DDB2: variants seen among roughly 807,000 people sequenced by gnomAD.
The protein encoded by DDB2 is damage specific DNA binding protein 2, also known as DNA damage-binding protein 2.
In DDB2, 27 loss-of-function variants were observed where a neutral mutation model predicts 50.5. The ratio of observed to expected loss-of-function variants is 0.53; its 90% CI spans 0.39 to 0.74. The LOEUF (loss-of-function observed/expected upper bound fraction) is 0.74, where lower values mean the gene tolerates loss of function less well. DDB2 is among the 30% of genes least tolerant of loss of function. The pLI is 0.00. For synonymous variants in DDB2, 176 were observed against 205.5 expected, an observed-to-expected ratio of 0.86 and a Z score of 1.23; for missense variants, 424 against 545.6, an observed-to-expected ratio of 0.78 and a Z score of 2.22.
intron 3 of DDB2, chr11:47,217,516 G>A (rs1953418230): frequency 1.3e-5 from 2 of 153,304 alleles, no homozygotes; most frequent in South Asian, 4.0e-4. Flanking sequence ...TTTCAAATAC[G>A]TAAATGATGA....
chr11:47,230,481 G>A (rs192627432), intron 3 of DDB2, among the ~76,000 whole-genome samples: 4 of 152,198 alleles, frequency 2.6e-5, no homozygotes, highest in East Asian at 1.9e-4. Flanking sequence ...ATTAAATTTG[G>A]TGTTAATTGC....
intron 3 of DDB2, among the ~76,000 whole-genome samples, chr11:47,228,533 C>T (rs1444297250): frequency 6.7e-6 from 1 of 149,618 alleles, no homozygotes; most frequent in African/African-American, 2.5e-5. Flanking sequence ...ATCCCAGCTA[C>T]TCGGGAGGCT....
At chr11:47,235,193 TGCAGGAGAAGG>T in intron 6 of DDB2, 66 bp from the exon 7 acceptor site, 6 of 1,592,818 alleles carry the variant, frequency 3.8e-6, no homozygotes, top group Non-Finnish European at 5.2e-6. Flanking sequence ...AGAGTACCCC[TGCAGGAGAAGG>T]CCTGCAAGGC....
At chr11:47,226,734 C>CTTTT (rs542832519) in intron 3 of DDB2, among the ~76,000 whole-genome samples, 2 of 124,610 alleles carry the variant, frequency 1.6e-5, no homozygotes, top group Admixed American at 8.3e-5. Context: ...AGTCCTTTGC[C>CTTTT]TTTTTTTTTT....
chr11:47,233,093 C>T, intron 4 of DDB2, 134 bp downstream of exon 4: 1 of 1,066,056 alleles, frequency 9.4e-7, no homozygotes, highest in African/African-American at 1.6e-5. Context: ...TTCCGCCCTT[C>T]TTTCTCTTTC....
intron 3 of DDB2, among the ~76,000 whole-genome samples, chr11:47,222,159 C>G (rs1455916897): frequency 6.6e-6 from 1 of 152,150 alleles, no homozygotes; most frequent in East Asian, 1.9e-4. Flanking sequence ...ATCCACCCCT[C>G]TCTACCCAAT....
rs11376360 is a variant in DDB2, at chr11:47,229,818, C to CTTTT, written c.457-2982_457-2979dup. The CTTTT allele has an allele frequency of 5.5e-3, 1,814 of 328,566 alleles. 2 individuals carry two copies. The highest frequency in any genetic ancestry group is 6.6e-3 in the Non-Finnish European group (1,164 of 175,634). The allele number at this position is 328,566 out of a possible 1,614,324, so 20.4% of individuals were successfully genotyped here. ...CCCTATGCTTAATTTGATGGCTCTT[C>CTTTT]TTTTTTTTTTTTTTTTTCTTCTTCC... On this transcript the variant is annotated intron_variant, in intron 3 of 9. Coordinates refer to ENST00000256996, the MANE Select transcript of DDB2 (RefSeq NM_000107.3).
chr11:47,215,786 T>A (rs1244225778), intron 1 of DDB2: 2 of 262,348 alleles, frequency 7.6e-6, no homozygotes, highest in East Asian at 2.0e-4. Context: ...TGTCAAGACG[T>A]CGGACCTATA....
intron 3 of DDB2, among the ~76,000 whole-genome samples, chr11:47,226,675 G>C (rs1953561734): frequency 6.6e-6 from 1 of 151,158 alleles, no homozygotes; most frequent in African/African-American, 2.4e-5. Context: ...GCATCTTTAC[G>C]TGTGCTTCTT....
Position 47,215,167 on chromosome 11 carries a change from AAGACCTCCG to A in DDB2, c.35_43del (p.Thr12_Glu14del). 1 of 1,614,020 alleles carries A rather than the reference AAGACCTCCG, an allele frequency of 6.2e-7. No individual in the cohort carries two copies. Among genetic ancestry groups the A allele is most frequent in the East Asian group, 2.2e-5 (1 of 44,856 alleles). On this transcript the variant is annotated inframe_deletion, in exon 1 of 10. Coordinates refer to ENST00000256996, the MANE Select transcript of DDB2 (RefSeq NM_000107.3). ...TCCCAAGAAACGCCCAGAAACCCAG[AAGACCTCCG>A]AGATTGTATTACGCCCCAGGAACAA...
At chr11:47,233,069 A>G in intron 4 of DDB2, 110 bp downstream of exon 4, 1 of 1,278,512 alleles carries the variant, frequency 7.8e-7, no homozygotes, top group Non-Finnish European at 1.1e-6. Context: ...AAGAAAGGAA[A>G]GATGTCAGCC....
intron 7 of DDB2, among the ~76,000 whole-genome samples, chr11:47,236,876 C>T (rs1953732929): frequency 6.6e-6 from 1 of 152,214 alleles, no homozygotes; most frequent in Admixed American, 6.5e-5. Flanking sequence ...TAAGTCATTA[C>T]AGCTTCCTGT....
rs1429083605 is a variant in DDB2, at chr11:47,217,033, C to T, written c.440C>T (p.Pro147Leu). 6.2e-7 allele frequency: 1 copy of T among 1,613,832 alleles called. No individual in the cohort carries two copies. The highest frequency in any genetic ancestry group is 2.2e-5 in the East Asian group (1 of 44,896). Residue 147 changes from proline to leucine, a missense_variant, in exon 3 of 10, where the codon CCC becomes CTC. Coordinates refer to ENST00000256996, the MANE Select transcript of DDB2 (RefSeq NM_000107.3). ...TGGAATTTTGGCATCAAGGACAAAC[C>T]CACCTTCATCAAAGGGGTGAGCAGT... ...MLWNFGIKDK[P>L]TFIKGIGAGG...
chr11:47,216,179 C>T (rs1953397424), intron 1 of DDB2, 157 bp from the exon 2 acceptor site: 1 of 1,083,376 alleles, frequency 9.2e-7, no homozygotes, highest in African/African-American at 1.5e-5. Context: ...TTTTTTATTT[C>T]TGGTGCTCGT....
At chr11:47,238,720 T>G (rs1221030975) in intron 9 of DDB2, 80 bp from the exon 10 acceptor site, 2 of 1,509,866 alleles carry the variant, frequency 1.3e-6, no homozygotes, top group Non-Finnish European at 1.8e-6. Flanking sequence ...CTTTACCAAA[T>G]TGTAGGTTTG....
chr11:47,238,576 T>G (rs1953783424), intron 9 of DDB2, among the ~76,000 whole-genome samples: 2 of 152,040 alleles, frequency 1.3e-5, no homozygotes, highest in South Asian at 4.2e-4. Flanking sequence ...TTTTTTGTAT[T>G]TTTAGTAGAG....
In DDB2 at chr11:47,221,491, C is replaced by T. The variant is rs1363831684; in HGVS notation, c.456+4442C>T. On this transcript the variant is annotated intron_variant, in intron 3 of 9. Transcript: ENST00000256996. ...ACAGAGTTTCACTCTATTGCCCAGG[C>T]TGGAGTGCAGTAGCACGATCTCGGC... Among the ~76,000 whole-genome samples the T allele has an allele frequency of 2.6e-5, 4 of 152,266 alleles. No individual in the cohort carries two copies. In the East Asian group the frequency reaches 7.8e-4, roughly 30 times the overall value.
intron 3 of DDB2, among the ~76,000 whole-genome samples, chr11:47,231,000 A>T (rs1349799748): frequency 6.6e-6 from 1 of 151,492 alleles, no homozygotes; most frequent in Non-Finnish European, 1.5e-5. Flanking sequence ...TGGGCATGTA[A>T]TCCCAGCTAC....
chr11:47,226,997 G>T (rs905741823), intron 3 of DDB2, among the ~76,000 whole-genome samples: 1 of 150,464 alleles, frequency 6.6e-6, no homozygotes, highest in African/African-American at 2.4e-5. Context: ...ATTGGATCTT[G>T]CTATGTCTCC....
Sources: gnomAD v4.1 joint callset for allele counts (sites outside exome capture counted in the v4.1 genomes callset) on GRCh38, gnomAD v4.1.1 for gene constraint, MANE v1.5 for transcripts, NCBI Gene and HGNC (gene_info 2026-07-23, HGNC 2026-07-21) for gene names.